OSBPL1A: variants seen among roughly 807,000 people sequenced by gnomAD.
OSBPL1A encodes oxysterol binding protein like 1A.
OSBPL1A carries 80 observed loss-of-function variants against 137.1 expected under a neutral mutation model. That is an observed-to-expected ratio of 0.58 (90% CI 0.49 to 0.70). The LOEUF is 0.70. Ranked by LOEUF, OSBPL1A falls within the 30% of genes least tolerant of loss-of-function variation. The pLI, the probability that OSBPL1A is intolerant of heterozygous loss-of-function variation, is 0.00. For missense variants in OSBPL1A, 970 were observed against 1,129.4 expected (o/e 0.86, Z 2.02); for synonymous variants, 365 against 389.7 (o/e 0.94, Z 0.75).
chr18:24,208,283 C>A (rs893285687), intron 17 of OSBPL1A, among the ~76,000 whole-genome samples: 2 of 151,572 alleles, frequency 1.3e-5, no homozygotes, highest in African/African-American at 2.4e-5. Context: ...GATGCATAAT[C>A]TTGCTTGAAA....
At chr18:24,369,395 A>C (rs1905433376) in intron 2 of OSBPL1A, among the ~76,000 whole-genome samples, 1 of 152,214 alleles carries the variant, frequency 6.6e-6, no homozygotes, top group Non-Finnish European at 1.5e-5. Context: ...AGCTTCCCAA[A>C]ATTCCCAATC....
intron 7 of OSBPL1A, among the ~76,000 whole-genome samples, chr18:24,330,953 C>G (rs1412641853): frequency 1.3e-5 from 2 of 152,038 alleles, no homozygotes; most frequent in Non-Finnish European, 2.9e-5. Context: ...CGCCACCATG[C>G]CTGGCTAATT....
chr18:24,302,820 T>C (rs1016568635), intron 14 of OSBPL1A: 5 of 152,168 alleles, frequency 3.3e-5, no homozygotes, highest in Admixed American at 2.0e-4. Flanking sequence ...CTAGACAAGA[T>C]CATATATACA....
chr18:24,202,697 T>G (rs565562054), intron 17 of OSBPL1A, among the ~76,000 whole-genome samples: 30 of 152,202 alleles, frequency 2.0e-4, no homozygotes, highest in African/African-American at 7.2e-4. Context: ...TAACAGGTAT[T>G]CCAGAACAAA....
chr18:24,227,425 A>G (rs2088119377), intron 16 of OSBPL1A, among the ~76,000 whole-genome samples: 1 of 152,240 alleles, frequency 6.6e-6, no homozygotes, highest in African/African-American at 2.4e-5. Flanking sequence ...AAAAAAACCC[A>G]GGATAATGCT....
intron 4 of OSBPL1A, among the ~76,000 whole-genome samples, chr18:24,354,710 A>G (rs1430780094): frequency 6.8e-6 from 1 of 147,304 alleles, no homozygotes; most frequent in African/African-American, 2.5e-5. Flanking sequence ...CTGTATAATG[A>G]CATCAGTGTA....
In OSBPL1A at chr18:24,315,897, A is replaced by G. The variant is rs201450915; in HGVS notation, c.870+1252T>C. Among the ~76,000 whole-genome samples the G allele has an allele frequency of 5.3e-4, 71 of 133,210 alleles. 1 individual carries two copies. In the East Asian group the frequency reaches 0.013, roughly 24 times the overall value. The allele number at this position is 133,210 out of a possible 152,430, so 87.4% of individuals were successfully genotyped here. On this transcript the variant is annotated intron_variant, in intron 11 of 27. Coordinates refer to ENST00000319481, the MANE Select transcript of OSBPL1A (RefSeq NM_080597.4). ...TTATATAATAAAATATATTAAAGAT[A>G]TTATATATTATATAATATTATAATT...
Position 24,299,681 on chromosome 18 carries a change from T to C in OSBPL1A, c.1174+3956A>G, listed in dbSNP as rs766595355. ...ACATGAAGGAAAGAATTCTAAGAGC[T>C]GTCAGACAAGAGCATCAGGTAACTT... On this transcript the variant is annotated intron_variant, in intron 14 of 27. Coordinates refer to ENST00000319481, the MANE Select transcript of OSBPL1A (RefSeq NM_080597.4). Among the ~76,000 whole-genome samples the C allele has an allele frequency of 3.9e-5, 6 of 152,206 alleles. No individual in the cohort carries two copies. In the East Asian group the frequency reaches 1.2e-3, roughly 29 times the overall value.
At position 24,170,311 on chromosome 18, in the gene OSBPL1A, C is replaced by T. The variant is rs990627154; in HGVS notation, c.2418+16G>A. On this transcript the variant is annotated intron_variant, in intron 24 of 27. Transcript: ENST00000319481. ...AATCCAGTTATTCCTTCGATACCACCTTACAGGATGTTCACCTGTTTGCTG... is the reference window on the plus strand; with the variant it reads ...AATCCAGTTATTCCTTCGATACCACTTTACAGGATGTTCACCTGTTTGCTG... The T allele has an allele frequency of 6.2e-7, 1 of 1,613,854 alleles. No homozygotes were observed. Among genetic ancestry groups the T allele is most frequent in the African/African-American group, 1.3e-5 (1 of 74,886 alleles).
intron 15 of OSBPL1A, among the ~76,000 whole-genome samples, chr18:24,272,561 T>C (rs893416267): frequency 6.6e-6 from 1 of 152,130 alleles, no homozygotes; most frequent in African/African-American, 2.4e-5. Context: ...AATACCACAC[T>C]TAAGTGGGAT....
chr18:24,226,232 C>T (rs993615626), intron 16 of OSBPL1A, among the ~76,000 whole-genome samples: 7 of 152,092 alleles, frequency 4.6e-5, no homozygotes, highest in Admixed American at 2.6e-4. Flanking sequence ...CAAAAGGATG[C>T]TTTAGTGGAG....
intron 14 of OSBPL1A, among the ~76,000 whole-genome samples, chr18:24,290,334 G>C (rs114600419): frequency 3.9e-4 from 60 of 152,322 alleles, no homozygotes; most frequent in African/African-American, 1.4e-3. Flanking sequence ...ATGCCTGGTA[G>C]GAAGGTCAAG....
At chr18:24,348,831 T>C (rs4490078) in intron 4 of OSBPL1A, among the ~76,000 whole-genome samples, 1 of 151,948 alleles carries the variant, frequency 6.6e-6, no homozygotes, top group African/African-American at 2.4e-5. Flanking sequence ...CAGTCTACTA[T>C]ACAAACTGAA....
intron 4 of OSBPL1A, among the ~76,000 whole-genome samples, chr18:24,343,927 C>G (rs1291681268): frequency 6.6e-6 from 1 of 152,052 alleles, no homozygotes; most frequent in African/African-American, 2.4e-5. Context: ...GGATATGACA[C>G]CAAAAGCACA....
intron 4 of OSBPL1A, among the ~76,000 whole-genome samples, chr18:24,356,200 T>C (rs893549094): frequency 2.0e-5 from 3 of 151,480 alleles, no homozygotes; most frequent in African/African-American, 7.3e-5. Context: ...AAAGTTATGA[T>C]ACCTTGTCCA....
intron 17 of OSBPL1A, among the ~76,000 whole-genome samples, chr18:24,209,374 C>T (rs188287073): frequency 6.6e-6 from 1 of 152,316 alleles, no homozygotes; most frequent in African/African-American, 2.4e-5. Context: ...GGTACCATGT[C>T]ATACCTACAA....
At chr18:24,231,908 C>A (rs2088295146) in intron 16 of OSBPL1A, among the ~76,000 whole-genome samples, 1 of 152,152 alleles carries the variant, frequency 6.6e-6, no homozygotes, top group African/African-American at 2.4e-5. Context: ...TTTATCCTGA[C>A]CTTTGGAAAC....
In OSBPL1A at chr18:24,219,263, A is replaced by G. The variant is rs189334417; in HGVS notation, c.1601+5779T>C. On this transcript the variant is annotated intron_variant, in intron 17 of 27. Coordinates refer to ENST00000319481, the MANE Select transcript of OSBPL1A (RefSeq NM_080597.4). ...AGCTATAATCACACCACTGCACTCC[A>G]GCCTGGGCAATGGGGTGAGACCCTG... Among the ~76,000 whole-genome samples the G allele has an allele frequency of 2.4e-3, 365 of 152,326 alleles. 1 individual carries two copies. The highest frequency in any genetic ancestry group is 4.5e-3 in the Non-Finnish European group (307 of 68,026).
chr18:24,261,298 C>T (rs2089440786), intron 15 of OSBPL1A, among the ~76,000 whole-genome samples: 2 of 152,116 alleles, frequency 1.3e-5, no homozygotes, highest in African/African-American at 2.4e-5. Context: ...CAGTAAGGAA[C>T]TTTTGGAAGG....
Sources: allele counts gnomAD v4.1 joint callset (sites outside exome capture counted in the v4.1 genomes callset), GRCh38; gene constraint gnomAD v4.1.1; transcripts MANE v1.5; gene names NCBI Gene and HGNC (gene_info 2026-07-23, HGNC 2026-07-21).